The following ADAMTS9 variants were observed in gnomAD, a reference collection of about 807,000 sequenced individuals.
The protein encoded by ADAMTS9 is A disintegrin and metalloproteinase with thrombospondin motifs 9.
A neutral mutation model predicts 257.1 loss-of-function variants in ADAMTS9; 107 were observed. That is an observed-to-expected ratio of 0.42 (90% CI 0.36 to 0.49). The LOEUF is 0.49. ADAMTS9 is among the 20% of genes least tolerant of loss of function. ADAMTS9 has a pLI of 0.03. For missense variants in ADAMTS9, 2,353 were observed against 2,469.1 expected (o/e 0.95, Z 1.00); for synonymous variants, 982 against 880.9 (o/e 1.11, Z -2.03).
intron 38 of ADAMTS9, among the ~76,000 whole-genome samples, chr3:64,526,203 T>A (rs909156325): frequency 6.6e-6 from 1 of 151,348 alleles, no homozygotes; most frequent in Non-Finnish European, 1.5e-5. Context: ...AAAGAAAAGA[T>A]AAATGTTTGA....
At chr3:64,614,390 T>G (rs1047879524) in intron 21 of ADAMTS9, among the ~76,000 whole-genome samples, 5 of 152,344 alleles carry the variant, frequency 3.3e-5, no homozygotes, top group Admixed American at 1.3e-4. Flanking sequence ...AAATACACTG[T>G]TAATTGACTG....
chr3:64,516,824 A>G lies in ADAMTS9; in HGVS notation c.*303T>C, dbSNP rs2082780938. On this transcript the variant is annotated 3_prime_UTR_variant, in exon 40 of 40. Transcript: ENST00000498707. Reference sequence around the variant, plus strand: ...AAGGATCACTTTGTCATATTACTACATGCAAAGGCAGTCATAATAGAATCA... The same window carrying G: ...AAGGATCACTTTGTCATATTACTACGTGCAAAGGCAGTCATAATAGAATCA... 6.5e-6 allele frequency: 1 copy of G among 152,692 alleles called. No homozygotes were observed. The highest frequency in any genetic ancestry group is 6.5e-5 in the Admixed American group (1 of 15,288). 9.5% of individuals were successfully genotyped at this position (152,692 alleles called of 1,614,324 possible).
At chr3:64,634,719 A>G (rs552222884) in intron 12 of ADAMTS9, among the ~76,000 whole-genome samples, 2 of 152,312 alleles carry the variant, frequency 1.3e-5, no homozygotes, top group South Asian at 2.1e-4. Flanking sequence ...TCACTCACCC[A>G]GGGCTGAAAC....
At chr3:64,632,201 C>T (rs1050526554) in intron 14 of ADAMTS9, among the ~76,000 whole-genome samples, 1 of 152,024 alleles carries the variant, frequency 6.6e-6, no homozygotes, top group Non-Finnish European at 1.5e-5. Context: ...AATAGGATTC[C>T]TCAGGTGCTT....
chr3:64,543,720 C>G (rs1377061334), intron 32 of ADAMTS9, among the ~76,000 whole-genome samples: 1 of 152,116 alleles, frequency 6.6e-6, no homozygotes, highest in Non-Finnish European at 1.5e-5. Context: ...GACAGGGATG[C>G]CCCCTCTCAC....
intron 3 of ADAMTS9, among the ~76,000 whole-genome samples, chr3:64,672,821 G>C (rs1701526660): frequency 6.6e-6 from 1 of 152,184 alleles, no homozygotes; most frequent in African/African-American, 2.4e-5. Context: ...ACAGGTGAGG[G>C]AGATCCTTTA....
At chr3:64,605,279 T>G (rs1022838871) in intron 23 of ADAMTS9, among the ~76,000 whole-genome samples, 2 of 152,180 alleles carry the variant, frequency 1.3e-5, no homozygotes, top group African/African-American at 4.8e-5. Context: ...GGAAATATAT[T>G]TTGAATCTGA....
Position 64,531,546 on chromosome 3 carries a change from C to A in ADAMTS9, c.5718+1620G>T, listed in dbSNP as rs563365784. ...GCAGTCGCGCAATCATGGCTCACTG[C>A]CCTCTTGACATCCTGGGCTCAAGGG... On this transcript the variant is annotated intron_variant, in intron 38 of 39. Transcript: ENST00000498707. Among the ~76,000 whole-genome samples, 4 of 152,138 alleles carry A rather than the reference C, an allele frequency of 2.6e-5. No individual in the cohort carries two copies. In the South Asian group the frequency reaches 8.3e-4, roughly 32 times the overall value.
At chr3:64,539,790 G>T (rs148972331) in intron 36 of ADAMTS9, among the ~76,000 whole-genome samples, 3 of 152,136 alleles carry the variant, frequency 2.0e-5, no homozygotes, top group Non-Finnish European at 4.4e-5. Context: ...AAAATGTGGC[G>T]CAATTAGAAC....
chr3:64,680,484 A>T (rs1701725456), intron 3 of ADAMTS9, among the ~76,000 whole-genome samples: 1 of 152,210 alleles, frequency 6.6e-6, no homozygotes, highest in Admixed American at 6.5e-5. Flanking sequence ...AAGTGTTGCT[A>T]CAAGACTGCA....
chr3:64,670,723 T>C (rs1476513824), intron 3 of ADAMTS9, among the ~76,000 whole-genome samples: 1 of 152,108 alleles, frequency 6.6e-6, no homozygotes, highest in African/African-American at 2.4e-5. Context: ...GAACAGACGC[T>C]TCACCAAAAA....
chr3:64,609,991 A>C (rs1158795268), intron 22 of ADAMTS9, among the ~76,000 whole-genome samples: 1 of 152,192 alleles, frequency 6.6e-6, no homozygotes, highest in Non-Finnish European at 1.5e-5. Context: ...ACTTTCAACA[A>C]GAGTGCCAAG....
chr3:64,524,126 C>A lies in ADAMTS9; in HGVS notation c.5719-1866G>T, dbSNP rs143915967. 9.3e-4 allele frequency among the ~76,000 whole-genome samples: 142 copies of A among 152,312 alleles called. No individual in the cohort carries two copies. The Middle Eastern group carries it at 0.014, about 15-fold the overall frequency. ...AAAACAGGAAATGTCTTCTCTATTA[C>A]ACACAAATTTAAAGTGGATATATTT... On this transcript the variant is annotated intron_variant, in intron 38 of 39. Transcript: ENST00000498707.
intron 37 of ADAMTS9, among the ~76,000 whole-genome samples, chr3:64,538,631 G>A (rs1366279514): frequency 6.6e-6 from 1 of 152,132 alleles, no homozygotes; most frequent in African/African-American, 2.4e-5. Flanking sequence ...CATGTAAAGT[G>A]TTTTTCTATA....
At chr3:64,585,352 T>C (rs1056430398) in intron 28 of ADAMTS9, among the ~76,000 whole-genome samples, 23 of 152,232 alleles carry the variant, frequency 1.5e-4, no homozygotes, top group African/African-American at 5.1e-4. Flanking sequence ...ACAGAGGTAG[T>C]TGTGAGAATG....
intron 39 of ADAMTS9, among the ~76,000 whole-genome samples, chr3:64,517,358 G>C: frequency 6.9e-6 from 1 of 145,974 alleles, no homozygotes; most frequent in Non-Finnish European, 1.5e-5. Flanking sequence ...TCCCATCTCA[G>C]CCTCCCAAGT....
intron 39 of ADAMTS9, among the ~76,000 whole-genome samples, chr3:64,520,149 A>G (rs2082831179): frequency 1.3e-5 from 2 of 152,192 alleles, no homozygotes; most frequent in African/African-American, 4.8e-5. Flanking sequence ...ATACACAAAT[A>G]ACATTCAAGC....
At chr3:64,657,632 T>C (rs955830707) in intron 4 of ADAMTS9, among the ~76,000 whole-genome samples, 3 of 152,130 alleles carry the variant, frequency 2.0e-5, no homozygotes, top group Admixed American at 1.3e-4. Context: ...GTGACTGCAC[T>C]TGGCCATTTT....
rs1470169303 is a variant in ADAMTS9 at position 64,654,337 on chromosome 3, C to A, written c.1316+16G>T. 5.6e-6 allele frequency: 9 copies of A among 1,603,860 alleles called. No homozygotes were observed. The highest frequency in any genetic ancestry group is 7.7e-6 in the Non-Finnish European group (9 of 1,175,332). On this transcript the variant is annotated intron_variant, in intron 8 of 39. Transcript: ENST00000498707. ...GGTCACTCCAAATTAAATGAAATTACTGAAAGGTAACTCACACATGGCCCA... is the reference window on the plus strand; with the variant it reads ...GGTCACTCCAAATTAAATGAAATTAATGAAAGGTAACTCACACATGGCCCA...
Sources: allele counts gnomAD v4.1 joint callset (sites outside exome capture counted in the v4.1 genomes callset), GRCh38; gene constraint gnomAD v4.1.1; transcripts MANE v1.5; gene names NCBI Gene and HGNC (gene_info 2026-07-23, HGNC 2026-07-21).